ALK: variants seen among roughly 807,000 people sequenced by gnomAD.
ALK encodes the protein ALK receptor tyrosine kinase.
A neutral mutation model predicts 163.1 loss-of-function variants in ALK; 74 were observed. That is an observed-to-expected ratio of 0.45 (90% confidence interval 0.38 to 0.55). ALK has a LOEUF of 0.55. ALK is among the 20% of genes least tolerant of loss of function. ALK has a pLI of 0.00. For missense variants in ALK, 2,063 were observed against 2,105.3 expected (o/e 0.98, Z 0.39); for synonymous variants, 960 against 843.2 (o/e 1.14, Z -2.40).
chr2:29,531,412 C>G (rs1673113894), intron 4 of ALK, among the ~76,000 whole-genome samples: 1 of 152,042 alleles, frequency 6.6e-6, no homozygotes, highest in African/African-American at 2.4e-5. Context: ...TAGCACAAAG[C>G]TCTGTTCCAA....
chr2:29,867,289 AC>A (rs1440704150), intron 1 of ALK, among the ~76,000 whole-genome samples: 1 of 152,202 alleles, frequency 6.6e-6, no homozygotes, highest in Admixed American at 6.5e-5. Flanking sequence ...AAAACAAAAA[AC>A]AAAAAACATT....
chr2:29,895,051 G>A (rs918943057), intron 1 of ALK, among the ~76,000 whole-genome samples: 1 of 151,892 alleles, frequency 6.6e-6, no homozygotes, highest in Non-Finnish European at 1.5e-5. Context: ...CCTTTCTGAA[G>A]ACTTAATATC....
intron 1 of ALK, among the ~76,000 whole-genome samples, chr2:29,786,771 G>GT (rs1016624179): frequency 7.2e-5 from 11 of 152,086 alleles, no homozygotes; most frequent in South Asian, 2.1e-4. Context: ...TTCCCTGGGA[G>GT]TTTTTTTTGT....
intron 4 of ALK, among the ~76,000 whole-genome samples, chr2:29,408,627 G>T (rs1573328218): frequency 1.3e-5 from 2 of 152,184 alleles, no homozygotes; most frequent in South Asian, 4.1e-4. Flanking sequence ...GGCTTATGTA[G>T]TACTCTGATT....
At chr2:29,226,350 C>A (rs545088797) in intron 18 of ALK, among the ~76,000 whole-genome samples, 5 of 151,724 alleles carry the variant, frequency 3.3e-5, no homozygotes, top group African/African-American at 7.3e-5. Context: ...TGGTGGTGGG[C>A]GCCTGTAGTC....
At chr2:29,888,447 C>G (rs1667051302) in intron 1 of ALK, among the ~76,000 whole-genome samples, 1 of 151,976 alleles carries the variant, frequency 6.6e-6, no homozygotes, top group African/African-American at 2.4e-5. Flanking sequence ...CCCATAGGAC[C>G]AACTTTCTTT....
intron 1 of ALK, among the ~76,000 whole-genome samples, chr2:29,771,152 T>G (rs926299663): frequency 6.6e-5 from 10 of 151,740 alleles, no homozygotes; most frequent in African/African-American, 2.4e-4. Context: ...CAGACATAGA[T>G]GCATACATAC....
chr2:29,614,554 T>G (rs1044518982), intron 3 of ALK, among the ~76,000 whole-genome samples: 3 of 152,236 alleles, frequency 2.0e-5, no homozygotes, highest in African/African-American at 7.2e-5. Context: ...GAATTCTGTC[T>G]GTGACCAAAC....
intron 26 of ALK, among the ~76,000 whole-genome samples, chr2:29,204,791 G>A (rs1389174026): frequency 2.0e-5 from 3 of 152,196 alleles, no homozygotes; most frequent in Non-Finnish European, 4.4e-5. Context: ...GTTTCACCAT[G>A]TTGGCAAGGC....
At chr2:29,831,259 G>GGAAGAGGAAGAAGAAGAA (rs1665405769) in intron 1 of ALK, among the ~76,000 whole-genome samples, 1 of 28,150 alleles carries the variant, frequency 3.6e-5, no homozygotes, top group African/African-American at 1.1e-4. Flanking sequence ...AAGAGGAAGA[G>GGAAGAGGAAGAAGAAGAA]GAAGAAGAAG....
intron 3 of ALK, among the ~76,000 whole-genome samples, chr2:29,667,717 C>G (rs746598828): frequency 3.9e-5 from 6 of 151,922 alleles, no homozygotes; most frequent in Non-Finnish European, 8.8e-5. Flanking sequence ...ATTTTTACAT[C>G]TATGTTCATC....
chr2:29,331,617 C>T (rs188404518), intron 5 of ALK, among the ~76,000 whole-genome samples: 3 of 152,338 alleles, frequency 2.0e-5, no homozygotes, highest in African/African-American at 4.8e-5. Context: ...TCTGCACACA[C>T]TGGTGCTGGT....
In ALK at chr2:29,694,909, G is replaced by C. The variant is rs750435024; in HGVS notation, c.893C>G (p.Ala298Gly). The C allele has an allele frequency of 9.9e-6, 16 of 1,613,996 alleles. No homozygotes were observed. Among genetic ancestry groups the C allele is most frequent in the South Asian group, 6.6e-5 (6 of 91,088 alleles). ...CCCATCCAGCAAGTCCATCTGGGAG[G>C]CCTCCTCGGAGGGGATGCGGCGCCA... ...WSWRRIPSEE[A>G]SQMDLLDGPG... The change falls in exon 3 of 29, where the codon GCC becomes GGC. Residue 298 changes from alanine (A) to glycine (G), a missense_variant. Ala to Gly is a moderately conservative substitution (Grantham distance 60). This residue lies in a region of ALK where 987 missense variants were observed against 939.5 expected (regional missense o/e 1.05). Coordinates refer to ENST00000389048, the MANE Select transcript of ALK (RefSeq NM_004304.5).
rs56244527 is a variant in ALK at position 29,535,841 on chromosome 2, C to T, written c.953-3725G>A. Among the ~76,000 whole-genome samples, 901 of 152,268 alleles carry T rather than the reference C, an allele frequency of 5.9e-3. 5 individuals are homozygous for T. Among genetic ancestry groups the T allele is most frequent in the African/African-American group, 0.02 (846 of 41,542 alleles). Reference sequence around the variant, plus strand: ...GAAATTGAGTCAAGTCTCCAAGCCCCCAAGTCCTAAACTCTTCTTCTCATA... The same window carrying T: ...GAAATTGAGTCAAGTCTCCAAGCCCTCAAGTCCTAAACTCTTCTTCTCATA... On this transcript the variant is annotated intron_variant, in intron 3 of 28. Coordinates refer to ENST00000389048, the MANE Select transcript of ALK (RefSeq NM_004304.5).
At chr2:29,577,934 C>G (rs374775583) in intron 3 of ALK, among the ~76,000 whole-genome samples, 1 of 152,142 alleles carries the variant, frequency 6.6e-6, no homozygotes, top group Non-Finnish European at 1.5e-5. Flanking sequence ...TGAGGGGTGG[C>G]GGCACTGGCA....
chr2:29,635,583 C>G (rs1336832521), intron 3 of ALK, among the ~76,000 whole-genome samples: 5 of 151,908 alleles, frequency 3.3e-5, no homozygotes, highest in Non-Finnish European at 7.4e-5. Context: ...AATTTCTGGC[C>G]TTTAGAACTC....
chr2:29,793,269 G>T (rs1664231865), intron 1 of ALK, among the ~76,000 whole-genome samples: 1 of 152,048 alleles, frequency 6.6e-6, no homozygotes, highest in South Asian at 2.1e-4. Flanking sequence ...ACATCTTTGG[G>T]CTCCACTTCT....
intron 26 of ALK, among the ~76,000 whole-genome samples, chr2:29,203,117 C>T (rs1014033930): frequency 6.6e-6 from 1 of 152,176 alleles, no homozygotes; most frequent in Non-Finnish European, 1.5e-5. Context: ...AGGTGGGGGC[C>T]GAGGATTCGC....
chr2:29,803,151 G>A (rs918127956), intron 1 of ALK, among the ~76,000 whole-genome samples: 1 of 152,238 alleles, frequency 6.6e-6, no homozygotes, highest in Non-Finnish European at 1.5e-5. Flanking sequence ...TCAATGAGCT[G>A]TGTCTATGCC....
Sources: gnomAD v4.1 joint callset for allele counts (sites outside exome capture counted in the v4.1 genomes callset) on GRCh38, gnomAD v4.1.1 for gene constraint, gnomAD v4.1.1 regional missense constraint, MANE v1.5 for transcripts, NCBI Gene and HGNC (gene_info 2026-07-23, HGNC 2026-07-21) for gene names.